NLK: variants seen among roughly 807,000 people sequenced by gnomAD.
The protein encoded by NLK is serine/threonine-protein kinase NLK.
A neutral mutation model predicts 59.0 loss-of-function variants in NLK; 11 were observed. The ratio of observed to expected loss-of-function variants is 0.19; its 90% CI spans 0.12 to 0.31. NLK has a LOEUF of 0.31. NLK is among the 10% of genes least tolerant of loss of function. The pLI, the probability that NLK is intolerant of heterozygous loss-of-function variation, is 1.00. For missense variants in NLK, 410 were observed against 661.1 expected (o/e 0.62, Z 4.16); for synonymous variants, 235 against 235.9 (o/e 1.00, Z 0.03).
chr17:28,132,450 T>C (rs1339198084), intron 2 of NLK, among the ~76,000 whole-genome samples, 170 bp from the exon 3 acceptor site: 1 of 152,248 alleles, frequency 6.6e-6, no homozygotes, highest in Non-Finnish European at 1.5e-5. Context: ...AGTGTACGAA[T>C]CCATCTTAAT....
intron 1 of NLK, among the ~76,000 whole-genome samples, chr17:28,064,804 T>C (rs952941143): frequency 1.3e-5 from 2 of 152,350 alleles, no homozygotes; most frequent in African/African-American, 2.4e-5. Context: ...TTTACTGCTT[T>C]GTGTCTCAGC....
At chr17:28,141,709 A>G (rs760378195) in intron 3 of NLK, among the ~76,000 whole-genome samples, 1 of 152,202 alleles carries the variant, frequency 6.6e-6, no homozygotes, top group Non-Finnish European at 1.5e-5. Context: ...AGTAAGAAGG[A>G]CGATGAAGTT....
intron 1 of NLK, among the ~76,000 whole-genome samples, chr17:28,067,473 A>G (rs2142753357): frequency 6.6e-6 from 1 of 152,176 alleles, no homozygotes; most frequent in East Asian, 1.9e-4. Context: ...GTCTCTATGC[A>G]ATTTATATCT....
At chr17:28,115,870 T>C (rs892136494) in intron 1 of NLK, among the ~76,000 whole-genome samples, 2 of 151,748 alleles carry the variant, frequency 1.3e-5, no homozygotes, top group African/African-American at 4.8e-5. Context: ...TTTTTATAAA[T>C]TTCATTTTAT....
chr17:28,179,440 G>T (rs1022706398), intron 7 of NLK, among the ~76,000 whole-genome samples: 1 of 151,882 alleles, frequency 6.6e-6, no homozygotes, highest in African/African-American at 2.4e-5. Flanking sequence ...TTAAGAGAGA[G>T]GGTCTCCCGG....
intron 1 of NLK, among the ~76,000 whole-genome samples, chr17:28,090,691 C>T (rs948722618): frequency 2.6e-5 from 4 of 151,694 alleles, no homozygotes; most frequent in Non-Finnish European, 5.9e-5. Context: ...AAAAACATAG[C>T]GGGAGCTTGT....
At chr17:28,094,296 A>ATG (rs1254840148) in intron 1 of NLK, among the ~76,000 whole-genome samples, 1 of 152,232 alleles carries the variant, frequency 6.6e-6, no homozygotes, top group East Asian at 1.9e-4. Context: ...TTGAGAGATG[A>ATG]TGTCAGATTG....
chr17:28,065,187 T>G (rs1392846417), intron 1 of NLK, among the ~76,000 whole-genome samples: 1 of 152,198 alleles, frequency 6.6e-6, no homozygotes, highest in Non-Finnish European at 1.5e-5. Context: ...GGCCTCAGTT[T>G]GTACAATTCT....
chr17:28,138,257 T>A (rs1009356550), intron 3 of NLK, among the ~76,000 whole-genome samples: 1 of 152,228 alleles, frequency 6.6e-6, no homozygotes, highest in African/African-American at 2.4e-5. Flanking sequence ...AAGCATAACT[T>A]AGCATTCTAT....
intron 7 of NLK, among the ~76,000 whole-genome samples, chr17:28,181,097 AT>A (rs920643285): frequency 3.3e-5 from 5 of 152,086 alleles, no homozygotes; most frequent in African/African-American, 1.2e-4. Flanking sequence ...CTACAAAAAA[AT>A]TTTTAAAAAA....
At chr17:28,061,399 A>G (rs1170980438) in intron 1 of NLK, among the ~76,000 whole-genome samples, 2 of 152,232 alleles carry the variant, frequency 1.3e-5, no homozygotes, top group African/African-American at 2.4e-5. Context: ...TGACAAAAGT[A>G]GCACCAGCTA....
chr17:28,088,475 A>G (rs1027583409), intron 1 of NLK, among the ~76,000 whole-genome samples: 1 of 152,150 alleles, frequency 6.6e-6, no homozygotes, highest in African/African-American at 2.4e-5. Flanking sequence ...GATGGGATAA[A>G]TGCATAATTT....
rs565180873 is a variant in NLK, at chr17:28,080,899, G to GT, written c.458+37576dup. 4.1e-3 allele frequency among the ~76,000 whole-genome samples: 619 copies of GT among 151,784 alleles called. 3 individuals are homozygous for GT. Among genetic ancestry groups the GT allele is most frequent in the African/African-American group, 0.014 (593 of 41,370 alleles). On this transcript the variant is annotated intron_variant, in intron 1 of 10. Transcript: ENST00000407008. Reference sequence around the variant, plus strand: ...CAGTTTAGCTTTCAGATCTGATTGTGTTTTTTTTGAGACAGGGTGTTGCTC... The same window carrying GT: ...CAGTTTAGCTTTCAGATCTGATTGTGTTTTTTTTTGAGACAGGGTGTTGCTC...
rs140297690 is a variant in NLK, at chr17:28,191,179, C to T, written c.1395C>T (p.Asp465=). The part of the protein sequence containing the change: ...FEPVTNPKFD[D]TFEKNLSSVR... ...CTGTCACCAATCCCAAATTTGATGA[C>T]ACTTTCGAGAAGAACCTCAGTTCTG... The change falls in exon 9 of 11, where the codon GAC becomes GAT. Residue 465 remains aspartate, a synonymous_variant. Transcript: ENST00000407008. 646 of 1,613,080 alleles carry T rather than the reference C, an allele frequency of 4.0e-4. No individual in the cohort carries two copies. The highest frequency in any genetic ancestry group is 3.9e-4 in the Non-Finnish European group (461 of 1,179,614).
chr17:28,052,223 T>C (rs1909283079), intron 1 of NLK, among the ~76,000 whole-genome samples: 1 of 152,214 alleles, frequency 6.6e-6, no homozygotes, highest in Non-Finnish European at 1.5e-5. Flanking sequence ...AGTCTTACAA[T>C]AGTTTTCTTA....
intron 1 of NLK, among the ~76,000 whole-genome samples, chr17:28,079,156 C>G (rs1050612472): frequency 6.6e-6 from 1 of 152,192 alleles, no homozygotes; most frequent in Non-Finnish European, 1.5e-5. Context: ...GAATATTTCA[C>G]TTAGCATGAC....
intron 3 of NLK, among the ~76,000 whole-genome samples, chr17:28,159,249 T>G (rs934707123): frequency 1.3e-5 from 2 of 152,222 alleles, no homozygotes; most frequent in African/African-American, 4.8e-5. Context: ...TTTTAAGGAC[T>G]GGCTTTTACT....
At chr17:28,165,144 T>G (rs1404740441) in intron 5 of NLK, among the ~76,000 whole-genome samples, 5 of 152,220 alleles carry the variant, frequency 3.3e-5, no homozygotes, top group African/African-American at 1.2e-4. Context: ...AAAGAGAACT[T>G]GCAACCTATC....
chr17:28,071,695 T>C (rs773811662), intron 1 of NLK, among the ~76,000 whole-genome samples: 2 of 152,216 alleles, frequency 1.3e-5, no homozygotes, highest in Non-Finnish European at 2.9e-5. Flanking sequence ...ACCATGTTAC[T>C]TGAGGGCGAT....
Sources: allele counts gnomAD v4.1 joint callset (sites outside exome capture counted in the v4.1 genomes callset), GRCh38; gene constraint gnomAD v4.1.1; transcripts MANE v1.5; gene names NCBI Gene and HGNC (gene_info 2026-07-23, HGNC 2026-07-21).